The following KIF26B variants were observed in gnomAD, a reference collection of about 807,000 sequenced individuals.
KIF26B encodes kinesin family member 26B.
Under a neutral mutation model 151.2 loss-of-function variants are expected in KIF26B, and 63 were observed. The observed-to-expected ratio is 0.42, with a 90% CI of 0.34 to 0.51. The LOEUF (loss-of-function observed/expected upper bound fraction) is 0.51, where lower values mean the gene tolerates loss of function less well. KIF26B is among the 20% of genes least tolerant of loss of function. The pLI, the probability that KIF26B is intolerant of heterozygous loss-of-function variation, is 0.07. For missense variants in KIF26B, 2,813 were observed against 2,913.6 expected, an observed-to-expected ratio of 0.97 and a Z score of 0.79; for synonymous variants, 1,357 against 1,262.1, an observed-to-expected ratio of 1.08 and a Z score of -1.59.
intron 2 of KIF26B, among the ~76,000 whole-genome samples, chr1:245,360,689 T>A (rs1672799217): frequency 6.6e-6 from 1 of 152,156 alleles, no homozygotes; most frequent in Non-Finnish European, 1.5e-5. Context: ...ACACTGTCCA[T>A]ACCATCTAGT....
chr1:245,389,713 G>GT (rs763133048), intron 3 of KIF26B, among the ~76,000 whole-genome samples: 20 of 152,216 alleles, frequency 1.3e-4, no homozygotes, highest in Admixed American at 2.6e-4. Context: ...TTAAATGTTG[G>GT]TTTTTTCTAT....
intron 2 of KIF26B, among the ~76,000 whole-genome samples, chr1:245,202,717 G>T (rs530342435): frequency 1.4e-5 from 2 of 144,094 alleles, no homozygotes; most frequent in Admixed American, 7.1e-5. Flanking sequence ...CTGAGATCGC[G>T]CTGCTGCACT....
intron 3 of KIF26B, among the ~76,000 whole-genome samples, chr1:245,369,779 T>A (rs561617604): frequency 1.2e-4 from 19 of 152,202 alleles, no homozygotes; most frequent in Non-Finnish European, 2.8e-4. Flanking sequence ...CAGATATGGT[T>A]CCTTTTCAGA....
rs1289922951 is a variant in KIF26B, at chr1:245,662,961, CTGTCT to C, written c.2258+16683_2258+16687del. On this transcript the variant is annotated intron_variant, in intron 10 of 14. Coordinates refer to ENST00000407071, the MANE Select transcript of KIF26B (RefSeq NM_018012.4). ...GCTCTTGCTTGCTCTCAGGTCACCTCTGTCTTTTTTTTTTTTTCTCTCTTATTCTC... is the reference window on the plus strand; with the variant it reads ...GCTCTTGCTTGCTCTCAGGTCACCTCTTTTTTTTTTTTCTCTCTTATTCTC... Among the ~76,000 whole-genome samples, 16 of 86,678 alleles carry C rather than the reference CTGTCT, an allele frequency of 1.8e-4. 1 individual carries two copies. The highest frequency in any genetic ancestry group is 1.3e-3 in the South Asian group (3 of 2,290). The allele number at this position is 86,678 out of a possible 152,430, so 56.9% of individuals were successfully genotyped here.
At chr1:245,635,946 C>G (rs1054417098) in intron 9 of KIF26B, among the ~76,000 whole-genome samples, 2 of 152,066 alleles carry the variant, frequency 1.3e-5, no homozygotes, top group African/African-American at 4.8e-5. Flanking sequence ...AGATATTGTT[C>G]TACATTGACT....
At chr1:245,434,406 A>G (rs1304291745) in intron 4 of KIF26B, among the ~76,000 whole-genome samples, 1 of 151,918 alleles carries the variant, frequency 6.6e-6, no homozygotes, top group Non-Finnish European at 1.5e-5. Context: ...GGCTGCAAGA[A>G]CCTCCTTTCT....
intron 2 of KIF26B, among the ~76,000 whole-genome samples, chr1:245,309,402 G>C (rs1379569282): frequency 3.3e-5 from 5 of 152,112 alleles, no homozygotes; most frequent in Non-Finnish European, 7.3e-5. Flanking sequence ...CCTCTTGCCT[G>C]ACTGCTCGAT....
intron 4 of KIF26B, among the ~76,000 whole-genome samples, chr1:245,464,322 C>A (rs1373019777): frequency 6.6e-6 from 1 of 152,146 alleles, no homozygotes; most frequent in Non-Finnish European, 1.5e-5. Context: ...TGTGTCCCGT[C>A]CCCCGACCCA....
chr1:245,330,737 A>G (rs1572007642), intron 2 of KIF26B, among the ~76,000 whole-genome samples: 1 of 44,008 alleles, frequency 2.3e-5, no homozygotes, highest in Non-Finnish European at 4.1e-5. Flanking sequence ...GAGCCGGGGG[A>G]GAGTCGGGGA....
chr1:245,589,572 A>G (rs527362682), intron 5 of KIF26B, among the ~76,000 whole-genome samples: 50 of 152,318 alleles, frequency 3.3e-4, no homozygotes, highest in Non-Finnish European at 5.4e-4. Flanking sequence ...CCTCAAAGAC[A>G]GTTTTATAAA....
At position 245,287,587 on chromosome 1, in the gene KIF26B, G is replaced by T. The variant is rs183236984; in HGVS notation, c.466-79247G>T. Among the ~76,000 whole-genome samples, 1,318 of 139,626 alleles carry T rather than the reference G, an allele frequency of 9.4e-3. 20 individuals carry two copies. Among genetic ancestry groups the T allele is most frequent in the African/African-American group, 0.033 (1,234 of 37,462 alleles). 91.6% of individuals were successfully genotyped at this position (139,626 alleles called of 152,430 possible). ...GGCACGATCTCGGCTCACCGCAACCGCCACCTCCTGGGTTCAAGTGATGCT... is the reference window on the plus strand; with the variant it reads ...GGCACGATCTCGGCTCACCGCAACCTCCACCTCCTGGGTTCAAGTGATGCT... On this transcript the variant is annotated intron_variant, in intron 2 of 14. Coordinates refer to ENST00000407071, the MANE Select transcript of KIF26B (RefSeq NM_018012.4).
At chr1:245,428,580 G>T (rs769242499) in intron 4 of KIF26B, among the ~76,000 whole-genome samples, 1 of 152,200 alleles carries the variant, frequency 6.6e-6, no homozygotes, top group Admixed American at 6.5e-5. Flanking sequence ...CTGTTCTGTT[G>T]TTGGGGGTGC....
intron 9 of KIF26B, among the ~76,000 whole-genome samples, chr1:245,618,115 A>G (rs934820927): frequency 1.3e-5 from 2 of 152,108 alleles, no homozygotes; most frequent in Non-Finnish European, 2.9e-5. Flanking sequence ...CCACAATGGC[A>G]CCTTGCCTCT....
chr1:245,391,694 T>C (rs1453693793), intron 3 of KIF26B, among the ~76,000 whole-genome samples: 1 of 151,758 alleles, frequency 6.6e-6, no homozygotes, highest in East Asian at 1.9e-4. Flanking sequence ...TGTGAAAATG[T>C]AAAACAGCAA....
chr1:245,303,009 A>G (rs1173078347), intron 2 of KIF26B, among the ~76,000 whole-genome samples: 2 of 149,792 alleles, frequency 1.3e-5, no homozygotes, highest in Non-Finnish European at 3.0e-5. Flanking sequence ...AAAAAAAAAA[A>G]AAAAGAAAGA....
intron 4 of KIF26B, among the ~76,000 whole-genome samples, chr1:245,528,114 GA>G (rs978615800): frequency 1.3e-4 from 20 of 152,222 alleles, no homozygotes; most frequent in Admixed American, 1.2e-3. Flanking sequence ...AAGTGCAGAT[GA>G]AAAAGAAAGA....
chr1:245,565,607 G>A (rs1010633639), intron 5 of KIF26B, among the ~76,000 whole-genome samples: 3 of 152,028 alleles, frequency 2.0e-5, no homozygotes, highest in Admixed American at 6.6e-5. Flanking sequence ...CGTTCTTGCC[G>A]GTCATTTGTA....
chr1:245,589,234 G>T (rs1325842097), intron 5 of KIF26B, among the ~76,000 whole-genome samples: 1 of 152,170 alleles, frequency 6.6e-6, no homozygotes, highest in Non-Finnish European at 1.5e-5. Flanking sequence ...CTAAGCTGCA[G>T]AGTCCCAGGC....
At chr1:245,670,233 C>T (rs896799071) in intron 10 of KIF26B, among the ~76,000 whole-genome samples, 24 of 123,424 alleles carry the variant, frequency 1.9e-4, no homozygotes, top group South Asian at 1.5e-3. Context: ...CCATCGTATG[C>T]GTGTGTATAT....
Sources: allele counts gnomAD v4.1 joint callset (sites outside exome capture counted in the v4.1 genomes callset), GRCh38; gene constraint gnomAD v4.1.1; transcripts MANE v1.5; gene names NCBI Gene and HGNC (gene_info 2026-07-23, HGNC 2026-07-21).